Variants in NUDT19 observed in about 807,000 individuals in gnomAD.
NUDT19 encodes acyl-coenzyme A diphosphatase NUDT19.
NUDT19 carries 31 observed loss-of-function variants against 22.2 expected under a neutral mutation model. The observed-to-expected ratio is 1.40, with a 90% CI of 1.05 to 1.89. NUDT19 has a LOEUF of 1.89. NUDT19 is among the 40% of genes most tolerant of loss of function. The pLI, the probability that NUDT19 is intolerant of heterozygous loss-of-function variation, is 0.00. For missense variants in NUDT19, 752 were observed against 514.2 expected, an observed-to-expected ratio of 1.46 and a Z score of -4.47; for synonymous variants, 325 against 230.8, an observed-to-expected ratio of 1.41 and a Z score of -3.70.
chr19:32,694,325 T>G (rs1406715406), intron 1 of NUDT19, among the ~76,000 whole-genome samples: 1 of 152,226 alleles, frequency 6.6e-6, no homozygotes, highest in Non-Finnish European at 1.5e-5. Context: ...ACTCTTCCCC[T>G]AAGGTGCAAA....
intron 1 of NUDT19, among the ~76,000 whole-genome samples, chr19:32,708,422 G>A (rs545602514): frequency 2.0e-4 from 29 of 147,274 alleles, no homozygotes; most frequent in East Asian, 1.8e-3. Context: ...GCGAGACTCC[G>A]TCTCAAAAAA....
At chr19:32,702,041 C>A (rs562508333) in intron 1 of NUDT19, among the ~76,000 whole-genome samples, 2 of 152,210 alleles carry the variant, frequency 1.3e-5, no homozygotes, top group Admixed American at 6.5e-5. Context: ...AGACCCTGAC[C>A]CAATGATGGA....
rs905045652 is a variant in NUDT19 at position 32,711,991 on chromosome 19, G to A, written c.*34G>A. 7.3e-7 allele frequency: 1 copy of A among 1,364,800 alleles called. No individual in the cohort carries two copies. The highest frequency in any genetic ancestry group is 1.4e-5 in the African/African-American group (1 of 69,944). 84.5% of individuals were successfully genotyped at this position (1,364,800 alleles called of 1,614,324 possible). A position where few individuals can be genotyped will look rare whatever the true frequency, so the allele number is the denominator to read the frequency against. On this transcript the variant is annotated 3_prime_UTR_variant, in exon 3 of 3. Transcript: ENST00000397061. Reference sequence around the variant, plus strand: ...AGCTTGTTTGTAAAATGGCCTACTTGAAGTCCTCATGAATAATGAGGGTTG... The same window carrying A: ...AGCTTGTTTGTAAAATGGCCTACTTAAAGTCCTCATGAATAATGAGGGTTG...
Position 32,692,128 on chromosome 19 carries a change from G to T in NUDT19, c.168G>T (p.Met56Ile). Residue 56 changes from methionine to isoleucine, a missense_variant, in exon 1 of 3, where the codon ATG (methionine) becomes ATT (isoleucine). Transcript: ENST00000397061. ...LLQRSPHQGF[M>I]PGAHVFSGGV... ...AGCGCTCCCCGCACCAAGGCTTCATGCCGGGCGCGCACGTCTTCTCCGGCG... is the reference window on the plus strand; with the variant it reads ...AGCGCTCCCCGCACCAAGGCTTCATTCCGGGCGCGCACGTCTTCTCCGGCG... The T allele has an allele frequency of 6.8e-7, 1 of 1,472,014 alleles. No homozygotes were observed. 91.2% of individuals were successfully genotyped at this position (1,472,014 alleles called of 1,614,324 possible).
intron 1 of NUDT19, among the ~76,000 whole-genome samples, chr19:32,697,197 T>G (rs1444288043): frequency 6.6e-6 from 1 of 152,172 alleles, no homozygotes; most frequent in Non-Finnish European, 1.5e-5. Context: ...GCCTTTCTAT[T>G]ATCTCACTTT....
Position 32,692,164 on chromosome 19 carries a change from TG to T in NUDT19, c.205del (p.Ala69ArgfsTer54), listed in dbSNP as rs765516055. 9.2e-5 allele frequency: 140 copies of T among 1,528,092 alleles called. 3 individuals are homozygous for T. The Admixed American group carries it at 2.3e-3, about 25-fold the overall frequency. 94.7% of individuals were successfully genotyped at this position (1,528,092 alleles called of 1,614,324 possible). On this transcript the variant is annotated frameshift_variant, in exon 1 of 3. Coordinates refer to ENST00000397061, the MANE Select transcript of NUDT19 (RefSeq NM_001105570.2). LOFTEE classifies it high-confidence loss of function. ...AHVFSGGVLDAADRSADWLGL... is the reference protein window; with the variant it reads ...AHVFSGGVLDXADRSADWLGL... The stretch of plus-strand genomic sequence containing the variant: ...ACGTCTTCTCCGGCGGAGTGCTGGA[TG>T]CGGCCGACCGCTCGGCGGACTGGCT...
intron 1 of NUDT19, 112 bp from the exon 2 acceptor site, chr19:32,709,073 T>TA (rs1225448185): frequency 1.3e-6 from 1 of 761,708 alleles, no homozygotes; most frequent in African/African-American, 1.7e-5. Context: ...CAGGGCGCAT[T>TA]AATGAATTCA....
intron 1 of NUDT19, 97 bp from the exon 2 acceptor site, chr19:32,709,088 A>T: frequency 1.2e-6 from 1 of 807,000 alleles, no homozygotes; most frequent in Non-Finnish European, 2.2e-6. Context: ...AATTCATTTT[A>T]CACATTCAGT....
At chr19:32,709,840 A>G (rs1013166988) in intron 2 of NUDT19, among the ~76,000 whole-genome samples, 1 of 150,770 alleles carries the variant, frequency 6.6e-6, no homozygotes, top group South Asian at 2.1e-4. Flanking sequence ...TTTTTAGTAG[A>G]TACGGGGTTT....
intron 1 of NUDT19, among the ~76,000 whole-genome samples, chr19:32,704,998 T>C (rs1968372592): frequency 6.6e-6 from 1 of 151,044 alleles, no homozygotes; most frequent in South Asian, 2.1e-4. Flanking sequence ...TCCCAGCTAC[T>C]TGGGGGGCCA....
intron 2 of NUDT19, 145 bp downstream of exon 2, chr19:32,709,537 T>C: frequency 1.6e-6 from 1 of 644,836 alleles, no homozygotes; most frequent in Admixed American, 2.8e-5. Flanking sequence ...TCAAAGCCTA[T>C]AAAATATCCA....
intron 1 of NUDT19, among the ~76,000 whole-genome samples, chr19:32,693,480 A>C (rs1279758313): frequency 6.6e-6 from 1 of 152,234 alleles, no homozygotes; most frequent in East Asian, 1.9e-4. Context: ...TTTATTGCAA[A>C]GAGCAAAAGA....
At chr19:32,709,999 A>G (rs1382359466) in intron 2 of NUDT19, among the ~76,000 whole-genome samples, 1 of 151,358 alleles carries the variant, frequency 6.6e-6, no homozygotes, top group Non-Finnish European at 1.5e-5. Context: ...GAGAACTCGT[A>G]AGTTGTCATC....
At position 32,692,575 on chromosome 19, in the gene NUDT19, G is replaced by T. The variant is rs772019106; in HGVS notation, c.615G>T (p.Leu205Phe). ...GGAGCGCCTGGCTCACCCCTTTCTT[G>T]CGGGGCACCACTCGCCGCTTTGACA... ...HNWSAWLTPF[L>F]RGTTRRFDTA... The change falls in exon 1 of 3, where the codon TTG becomes TTT. Residue 205 changes from leucine (L) to phenylalanine (F), a missense_variant. Leu to Phe is a conservative substitution (Grantham distance 22). Coordinates refer to ENST00000397061, the MANE Select transcript of NUDT19 (RefSeq NM_001105570.2). 1 of 1,595,044 alleles carries T rather than the reference G, an allele frequency of 6.3e-7. No individual in the cohort carries two copies. The highest frequency in any genetic ancestry group is 1.7e-5 in the Admixed American group (1 of 57,950).
chr19:32,692,458 C>A lies in NUDT19; in HGVS notation c.498C>A (p.Ser166=). The A allele has an allele frequency of 6.5e-7, 1 of 1,546,730 alleles. No individual in the cohort carries two copies. Among genetic ancestry groups the A allele is most frequent in the Non-Finnish European group, 8.7e-7 (1 of 1,150,934 alleles). Residue 166 remains serine (S), a synonymous_variant, in exon 1 of 3, where the codon TCC becomes TCA. Transcript: ENST00000397061. ...LALEPPPGLA[S]WRDRVRQDPR... Reference sequence around the variant, plus strand: ...TGGAGCCACCGCCGGGCCTGGCCTCCTGGCGCGACCGCGTGCGCCAGGACC... The same window carrying A: ...TGGAGCCACCGCCGGGCCTGGCCTCATGGCGCGACCGCGTGCGCCAGGACC...
At chr19:32,695,067 C>CA (rs1387004761) in intron 1 of NUDT19, among the ~76,000 whole-genome samples, 7 of 152,248 alleles carry the variant, frequency 4.6e-5, no homozygotes, top group African/African-American at 1.7e-4. Context: ...TACAGGTTGT[C>CA]AGTGGCCTCA....
At chr19:32,698,668 A>G (rs1231213464) in intron 1 of NUDT19, among the ~76,000 whole-genome samples, 2 of 152,336 alleles carry the variant, frequency 1.3e-5, no homozygotes, top group Admixed American at 6.5e-5. Context: ...TCACTGACAC[A>G]GCAGCAGAAA....
At chr19:32,692,735 A>G in intron 1 of NUDT19, 61 bp downstream of exon 1, 1 of 1,307,210 alleles carries the variant, frequency 7.6e-7, no homozygotes, top group Non-Finnish European at 1.0e-6. Flanking sequence ...GACCCCTCCC[A>G]GCGGCCCAGG....
intron 1 of NUDT19, among the ~76,000 whole-genome samples, chr19:32,699,504 G>A (rs1351762314): frequency 3.9e-5 from 6 of 152,308 alleles, no homozygotes; most frequent in Admixed American, 6.5e-5. Context: ...GCAAACCAAC[G>A]CTCCCCACTC....
Sources: gnomAD v4.1 joint callset for allele counts (sites outside exome capture counted in the v4.1 genomes callset) on GRCh38, gnomAD v4.1.1 for gene constraint, MANE v1.5 for transcripts, NCBI Gene and HGNC (gene_info 2026-07-23, HGNC 2026-07-21) for gene names.